Variants in GSTA1 observed in about 807,000 individuals in gnomAD.
GSTA1 encodes glutathione S-transferase A1.
Under a neutral mutation model 21.5 loss-of-function variants are expected in GSTA1, and 23 were observed. The ratio of observed to expected loss-of-function variants is 1.07; its 90% CI spans 0.77 to 1.52. GSTA1 has a LOEUF of 1.52. Ranked by LOEUF, GSTA1 falls within the 40% of genes most tolerant of loss-of-function variation. GSTA1 has a pLI of 0.00. For missense variants in GSTA1, 301 were observed against 264.2 expected, an observed-to-expected ratio of 1.14 and a Z score of -0.96; for synonymous variants, 125 against 90.0, an observed-to-expected ratio of 1.39 and a Z score of -2.20.
intron 3 of GSTA1, among the ~76,000 whole-genome samples, chr6:52,796,544 T>TATATATA (rs371040479): frequency 8.7e-4 from 35 of 40,420 alleles, no homozygotes; most frequent in East Asian, 2.8e-3. Context: ...TATATATATA[T>TATATATA]TTTTTTTTTT....
chr6:52,795,009 A>G (rs1329389882), intron 4 of GSTA1, among the ~76,000 whole-genome samples: 1 of 152,234 alleles, frequency 6.6e-6, no homozygotes, highest in Non-Finnish European at 1.5e-5. Context: ...TATACTATTG[A>G]GTGGTTTTTA....
intron 2 of GSTA1, among the ~76,000 whole-genome samples, chr6:52,798,835 T>C (rs1177860644): frequency 6.6e-6 from 1 of 152,084 alleles, no homozygotes; most frequent in Non-Finnish European, 1.5e-5. Context: ...TTATCACACA[T>C]GAAATATTAA....
intron 5 of GSTA1, 80 bp downstream of exon 5, chr6:52,794,045 G>A (rs1245354242): frequency 1.3e-6 from 2 of 1,567,092 alleles, no homozygotes; most frequent in African/African-American, 2.7e-5. Flanking sequence ...GTGAAGATCA[G>A]TGACCCAGGA....
intron 4 of GSTA1, among the ~76,000 whole-genome samples, chr6:52,795,308 A>C (rs1763550801): frequency 6.6e-6 from 1 of 152,090 alleles, no homozygotes; most frequent in Non-Finnish European, 1.5e-5. Flanking sequence ...ATTCCTTTTC[A>C]TGACCAAATA....
rs1051778 is a variant in GSTA1 at position 52,794,156 on chromosome 6, A to G, written c.383T>C (p.Ile128Thr). The change falls in exon 5 of 7, where the codon ATA becomes ACA. Residue 128 changes from isoleucine to threonine, a missense_variant. By Grantham distance (89) the Ile-to-Thr change is moderately conservative. Coordinates refer to ENST00000334575, the MANE Select transcript of GSTA1 (RefSeq NM_145740.5). ...AAAGGCAGGGAAGTAGCGATTTTTT[A>G]TTTTCTCTTTGATCAAGGCAAGCTT... Reference protein sequence around the residue: ...DAKLALIKEKIKNRYFPAFEK... With the variant: ...DAKLALIKEKTKNRYFPAFEK... 5.0e-6 allele frequency: 8 copies of G among 1,613,846 alleles called. No homozygotes were observed. In the Admixed American group the frequency reaches 6.7e-5, roughly 13 times the overall value.
At position 52,796,145 on chromosome 6, in the gene GSTA1, G is replaced by A. The variant is rs375840598; in HGVS notation, c.272+37C>T. ...CAAGGAAGGACCTAAATCACTCTGT[G>A]TTCTCTGTGGATGGAAGAACAGAAA... On this transcript the variant is annotated intron_variant, in intron 4 of 6. Transcript: ENST00000334575. 20 of 1,611,396 alleles carry A rather than the reference G, an allele frequency of 1.2e-5. No homozygotes were observed. In the African/African-American group the frequency reaches 2.7e-4, roughly 22 times the overall value.
rs1000736745 is a variant in GSTA1, at chr6:52,797,560, C to T, written c.139+26G>A. 8.3e-5 allele frequency: 131 copies of T among 1,583,630 alleles called. No homozygotes were observed. In the African/African-American group the frequency reaches 1.5e-3, roughly 18 times the overall value. ...TGTACCTTCTACTAGATACCCTCAT[C>T]AGAGGAACTTAGAGATTGATCTTAC... On this transcript the variant is annotated intron_variant, in intron 3 of 6. Coordinates refer to ENST00000334575, the MANE Select transcript of GSTA1 (RefSeq NM_145740.5).
At chr6:52,794,653 T>C (rs1382256337) in intron 4 of GSTA1, among the ~76,000 whole-genome samples, 3 of 152,208 alleles carry the variant, frequency 2.0e-5, no homozygotes, top group Non-Finnish European at 4.4e-5. Context: ...GCTTCCTAAG[T>C]AATCCTAAGA....
rs1236375813 is a variant in GSTA1, at chr6:52,791,984, T to C, written c.547-4A>G. On this transcript the variant is annotated splice_region_variant and splice_polypyrimidine_tract_variant and intron_variant, in intron 6 of 6. Coordinates refer to ENST00000334575, the MANE Select transcript of GSTA1 (RefSeq NM_145740.5). ...TGCTGATTCTGGTTTTCAGGGCCTG[T>C]AATTCATAAAGCACAGCCTCAGAGT... The C allele has an allele frequency of 3.1e-6, 5 of 1,613,890 alleles. No individual in the cohort carries two copies. The South Asian group carries it at 4.4e-5, about 14-fold the overall frequency.
At position 52,797,584 on chromosome 6, in the gene GSTA1, A is replaced by G; in HGVS notation, c.139+2T>C. The G allele has an allele frequency of 6.2e-7, 1 of 1,606,342 alleles. No homozygotes were observed. Among genetic ancestry groups the G allele is most frequent in the East Asian group, 2.2e-5 (1 of 44,778 alleles). On this transcript the variant is annotated splice_donor_variant, in intron 3 of 6. Coordinates refer to ENST00000334575, the MANE Select transcript of GSTA1 (RefSeq NM_145740.5). LOFTEE classifies it high-confidence loss of function. ...TCAGAGGAACTTAGAGATTGATCTT[A>G]CCATTTCTTAACTTGTCCAAATCTT...
intron 6 of GSTA1, 63 bp from the exon 7 acceptor site, chr6:52,792,043 C>A: frequency 6.2e-7 from 1 of 1,602,040 alleles, no homozygotes; most frequent in South Asian, 1.1e-5. Context: ...TTAACATGAC[C>A]CAGGGAATCT....
chr6:52,797,354 C>G (rs2608675), intron 3 of GSTA1, among the ~76,000 whole-genome samples: 1,775 of 152,220 alleles, frequency 0.012, 35 homozygotes, highest in African/African-American at 0.039. Flanking sequence ...GCTTTCTCAG[C>G]GGTGGGAGAT....
chr6:52,792,610 C>A, intron 6 of GSTA1: 2 of 813,004 alleles, frequency 2.5e-6, no homozygotes, highest in South Asian at 3.6e-5. Flanking sequence ...AGATGCTGGG[C>A]CCTGGGTTCT....
At chr6:52,796,543 A>ATTTTTTT (rs34109072) in intron 3 of GSTA1, among the ~76,000 whole-genome samples, 54 of 23,756 alleles carry the variant, frequency 2.3e-3, no homozygotes, top group Non-Finnish European at 4.9e-3. Flanking sequence ...ATATATATAT[A>ATTTTTTT]TTTTTTTTTT....
chr6:52,803,691 C>T (rs1257137462), intron 1 of GSTA1, 94 bp downstream of exon 1: 2 of 174,530 alleles, frequency 1.1e-5, no homozygotes, highest in Non-Finnish European at 2.5e-5. Flanking sequence ...ACAGACTTTT[C>T]CTTGTGCTAA....
chr6:52,803,407 A>G (rs1217506782), intron 1 of GSTA1, among the ~76,000 whole-genome samples: 1 of 152,200 alleles, frequency 6.6e-6, no homozygotes, highest in East Asian at 1.9e-4. Flanking sequence ...TTACAGTGTC[A>G]CAATTTACAA....
In GSTA1 at chr6:52,791,951, G is replaced by A. The variant is rs766205791; in HGVS notation, c.576C>T (p.Pro192=). 6.2e-7 allele frequency: 1 copy of A among 1,613,916 alleles called. No individual in the cohort carries two copies. The highest frequency in any genetic ancestry group is 2.2e-5 in the East Asian group (1 of 44,888). The change falls in exon 7 of 7, where the codon CCC becomes CCT. Residue 192 remains proline, a synonymous_variant. Coordinates refer to ENST00000334575, the MANE Select transcript of GSTA1 (RefSeq NM_145740.5). ...KALKTRISNL[P]TVKKFLQPGS... is the part of the protein sequence containing the mutation. ...CAGGCTGTAGAAACTTCTTCACTGT[G>A]GGCAGGTTGCTGATTCTGGTTTTCA...
chr6:52,792,426 T>C (rs6937834), intron 6 of GSTA1, among the ~76,000 whole-genome samples: 148,344 of 152,256 alleles, frequency 0.97, 72,375 homozygotes, highest in East Asian at 1. Context: ...GGGCCAGTGT[T>C]CTGGAGAGCT....
intron 1 of GSTA1, among the ~76,000 whole-genome samples, chr6:52,802,120 A>G (rs1418554197): frequency 6.6e-6 from 1 of 152,132 alleles, no homozygotes; most frequent in Admixed American, 6.6e-5. Context: ...TAAAACTGTG[A>G]CTTTCTCTGA....
Sources: allele counts gnomAD v4.1 joint callset (sites outside exome capture counted in the v4.1 genomes callset), GRCh38; gene constraint gnomAD v4.1.1; transcripts MANE v1.5; gene names NCBI Gene and HGNC (gene_info 2026-07-23, HGNC 2026-07-21).